The following EIF3I variants were observed in gnomAD, a reference collection of about 807,000 sequenced individuals.
EIF3I encodes the protein eukaryotic translation initiation factor 3 subunit I.
Under a neutral mutation model 43.3 loss-of-function variants are expected in EIF3I, and 20 were observed. The observed-to-expected ratio is 0.46, with a 90% CI of 0.32 to 0.67. The LOEUF is 0.67. Among genes scored for constraint, EIF3I ranks in the 30% least tolerant of loss-of-function variants. EIF3I has a pLI of 0.03. For missense variants in EIF3I, 279 were observed against 421.4 expected (o/e 0.66, Z 2.96); for synonymous variants, 167 against 151.7 (o/e 1.10, Z -0.74).
At chr1:32,228,886 A>G in intron 8 of EIF3I, 70 bp downstream of exon 8, 2 of 1,345,004 alleles carry the variant, frequency 1.5e-6, no homozygotes, top group Non-Finnish European at 2.1e-6. Flanking sequence ...CTTGTCCAGA[A>G]GTTGGGCTAC....
chr1:32,236,052 G>C (rs1639294289), downstream of EIF3I, among the ~76,000 whole-genome samples: 1 of 152,154 alleles, frequency 6.6e-6, no homozygotes, highest in African/African-American at 2.4e-5. Context: ...CCATACCAAA[G>C]GACATTAGTT....
intron 10 of EIF3I, 90 bp from the exon 10 acceptor site, chr1:32,230,832 TAAATA>T: frequency 1.1e-6 from 1 of 901,768 alleles, no homozygotes; most frequent in Admixed American, 2.6e-5. Flanking sequence ...TCAAAATAAA[TAAATA>T]ATAATAACAA....
At chr1:32,230,748 C>G (rs955039259) in intron 10 of EIF3I, among the ~76,000 whole-genome samples, 179 bp from the exon 10 acceptor site, 2 of 152,128 alleles carry the variant, frequency 1.3e-5, no homozygotes, top group South Asian at 4.1e-4. Context: ...TGCTTGAACC[C>G]AGGAGGGGGA....
At chr1:32,223,790 C>T (rs1395600345) in intron 2 of EIF3I, among the ~76,000 whole-genome samples, 1 of 152,134 alleles carries the variant, frequency 6.6e-6, no homozygotes, top group Admixed American at 6.5e-5. Context: ...TTGGGAGTCC[C>T]AGGAGAGCTG....
downstream of EIF3I, among the ~76,000 whole-genome samples, chr1:32,232,687 C>CG (rs930722810): frequency 5.3e-5 from 8 of 152,122 alleles, no homozygotes; most frequent in South Asian, 4.2e-4. Flanking sequence ...TGGATGAAGA[C>CG]GGGGGGAGGG....
At chr1:32,234,289 A>G (rs1403623881), downstream of EIF3I, 1 of 139,806 alleles carries the variant, frequency 7.2e-6, no homozygotes, top group African/African-American at 2.9e-5. Flanking sequence ...CAGGTGACAG[A>G]GCGAGACTTC....
downstream of EIF3I, among the ~76,000 whole-genome samples, chr1:32,236,111 A>G (rs1405646237): frequency 6.6e-6 from 1 of 152,224 alleles, no homozygotes; most frequent in Admixed American, 6.5e-5. Flanking sequence ...CCCATGGTCA[A>G]CTGTGGCCTG....
chr1:32,228,426 G>A (rs1249204917), intron 6 of EIF3I, 73 bp from the exon 7 acceptor site: 6 of 1,270,510 alleles, frequency 4.7e-6, no homozygotes, highest in Non-Finnish European at 6.9e-6. Context: ...TTTCATTTGG[G>A]TGCTTGGGTT....
exon 6 of EIF3I, chr1:32,226,429 C>T (rs1639148001): frequency 2.5e-6 from 4 of 1,604,188 alleles, no homozygotes; most frequent in Non-Finnish European, 3.4e-6. Context: ...CATGAAGATC[C>T]CTTGCAATGA....
chr1:32,228,327 G>A (rs1639179623), intron 6 of EIF3I, among the ~76,000 whole-genome samples, 172 bp from the exon 7 acceptor site: 1 of 152,190 alleles, frequency 6.6e-6, no homozygotes, highest in African/African-American at 2.4e-5. Context: ...GGCATAGGAT[G>A]TACATTACTG....
At chr1:32,225,980 A>G (rs1011294760) in intron 4 of EIF3I, among the ~76,000 whole-genome samples, 191 bp from the exon 5 acceptor site, 2 of 151,980 alleles carry the variant, frequency 1.3e-5, no homozygotes, top group East Asian at 1.9e-4. Flanking sequence ...CCGAGATTGC[A>G]CCACTGCACT....
chr1:32,226,899 C>A (rs962283630), intron 6 of EIF3I, among the ~76,000 whole-genome samples: 3 of 131,802 alleles, frequency 2.3e-5, no homozygotes, highest in Non-Finnish European at 4.6e-5. Context: ...GTGGTACGAT[C>A]TCGGCTCACT....
chr1:32,225,957 C>T (rs560463370), intron 4 of EIF3I, among the ~76,000 whole-genome samples: 1 of 151,698 alleles, frequency 6.6e-6, no homozygotes, highest in African/African-American at 2.4e-5. Flanking sequence ...GGAGGCGGAG[C>T]TTGCAGTGAG....
Position 32,222,532 on chromosome 1 carries a change from C to G in EIF3I, c.4-6C>G, listed in dbSNP as rs1639031347. On this transcript the variant is annotated splice_region_variant and splice_polypyrimidine_tract_variant and intron_variant, in intron 1 of 11. Coordinates refer to ENST00000676679, the Ensembl canonical transcript of EIF3I. ...GAGCACTGACGTTACTGTCTTGTCCCCACAGAAGCCGATCCTACTGCAGGG... is the reference window on the plus strand; with the variant it reads ...GAGCACTGACGTTACTGTCTTGTCCGCACAGAAGCCGATCCTACTGCAGGG... 7 of 1,614,160 alleles carry G rather than the reference C, an allele frequency of 4.3e-6. No homozygotes were observed. Among genetic ancestry groups the G allele is most frequent in the Non-Finnish European group, 4.2e-6 (5 of 1,180,006 alleles).
chr1:32,226,536 A>G lies in EIF3I; in HGVS notation c.528+6A>G, dbSNP rs780279891. On this transcript the variant is annotated splice_donor_region_variant and intron_variant, in intron 6 of 11. Coordinates refer to ENST00000676679, the Ensembl canonical transcript of EIF3I. ...TCAACCAGTATAGTGCCAAGGTAAGAGGCCACATGGGGCCTGAGCCTACCA... is the reference window on the plus strand; with the variant it reads ...TCAACCAGTATAGTGCCAAGGTAAGGGGCCACATGGGGCCTGAGCCTACCA... 2 of 1,517,606 alleles carry G rather than the reference A, an allele frequency of 1.3e-6. No individual in the cohort carries two copies. Among genetic ancestry groups the G allele is most frequent in the Non-Finnish European group, 1.8e-6 (2 of 1,139,110 alleles). 94.0% of individuals were successfully genotyped at this position (1,517,606 alleles called of 1,614,324 possible).
In EIF3I at chr1:32,222,463, G is replaced by C. The variant is rs998411505; in HGVS notation, c.3+19G>C. On this transcript the variant is annotated intron_variant, in intron 1 of 11. Transcript: ENST00000676679. ...CGGGATGGTGAGTTTCAGAGTTAGG[G>C]GTATTGCAGTGGGGGTCCTGGGCTG... The C allele has an allele frequency of 6.2e-7, 1 of 1,609,114 alleles. No individual in the cohort carries two copies. The highest frequency in any genetic ancestry group is 8.5e-7 in the Non-Finnish European group (1 of 1,176,406).
chr1:32,230,596 T>C (rs898126978), intron 10 of EIF3I, among the ~76,000 whole-genome samples: 4 of 151,852 alleles, frequency 2.6e-5, no homozygotes, highest in Admixed American at 1.3e-4. Context: ...TCCCAGCACA[T>C]TGGGAGGCTA....
downstream of EIF3I, among the ~76,000 whole-genome samples, chr1:32,232,779 G>A (rs1198562283): frequency 3.3e-5 from 5 of 152,124 alleles, no homozygotes; most frequent in African/African-American, 1.2e-4. Flanking sequence ...GAGGTAAATA[G>A]AGATGATCCA....
downstream of EIF3I, chr1:32,231,561 T>C (rs1639237748): frequency 5.1e-6 from 1 of 195,312 alleles, no homozygotes; most frequent in South Asian, 8.7e-5. Flanking sequence ...TTTTGAACTC[T>C]AAGAAATAAA....
Sources: gnomAD v4.1 joint callset for allele counts (sites outside exome capture counted in the v4.1 genomes callset) on GRCh38, gnomAD v4.1.1 for gene constraint, MANE v1.5 for transcripts, NCBI Gene and HGNC (gene_info 2026-07-23, HGNC 2026-07-21) for gene names.